Variants in CDH12 observed in about 807,000 individuals in gnomAD.
CDH12 encodes the protein cadherin 12, also known as cadherin-12.
In CDH12, 41 loss-of-function variants were observed where a neutral mutation model predicts 74.1. The observed-to-expected ratio is 0.55, with a 90% CI of 0.43 to 0.72. CDH12 has a LOEUF of 0.72. Among genes scored for constraint, CDH12 ranks in the 30% least tolerant of loss-of-function variants. CDH12 has a pLI of 0.00. For synonymous variants in CDH12, 399 were observed against 355.0 expected, an observed-to-expected ratio of 1.12 and a Z score of -1.39; for missense variants, 945 against 977.2, an observed-to-expected ratio of 0.97 and a Z score of 0.44.
intron 2 of CDH12, among the ~76,000 whole-genome samples, chr5:22,452,666 G>T (rs758382847): frequency 6.6e-6 from 1 of 151,512 alleles, no homozygotes; most frequent in Non-Finnish European, 1.5e-5. Flanking sequence ...ACTGGGTAAG[G>T]GTTTTTTTAG....
intron 4 of CDH12, among the ~76,000 whole-genome samples, chr5:22,179,003 G>T (rs546215047): frequency 3.1e-4 from 47 of 152,346 alleles, no homozygotes; most frequent in African/African-American, 5.3e-4. Flanking sequence ...TGAAGCATAT[G>T]CACTTAAAAT....
intron 2 of CDH12, among the ~76,000 whole-genome samples, chr5:22,416,737 G>A (rs1743409550): frequency 6.6e-6 from 1 of 152,162 alleles, no homozygotes; most frequent in Admixed American, 6.5e-5. Flanking sequence ...AATTGTAAGT[G>A]TGGTTTTTAG....
intron 1 of CDH12, among the ~76,000 whole-genome samples, chr5:22,763,851 TA>T (rs1404930075): frequency 6.6e-6 from 1 of 151,814 alleles, no homozygotes; most frequent in Non-Finnish European, 1.5e-5. Context: ...ATCTAATATA[TA>T]AAAAGAAAAA....
At chr5:22,080,767 CTTCT>C (rs539524443) in intron 4 of CDH12, among the ~76,000 whole-genome samples, 332 of 151,486 alleles carry the variant, frequency 2.2e-3, no homozygotes, top group Non-Finnish European at 3.5e-3. Flanking sequence ...ATTAATTTTG[CTTCT>C]TTCTTTCTTT....
At chr5:21,895,017 GAA>G (rs36000039) in intron 6 of CDH12, among the ~76,000 whole-genome samples, 6 of 146,040 alleles carry the variant, frequency 4.1e-5, no homozygotes, top group South Asian at 2.2e-4. Flanking sequence ...CAAATAAATT[GAA>G]AAAAAAAAAA....
chr5:22,552,454 A>G lies in CDH12; in HGVS notation c.-522-47090T>C, dbSNP rs1205829714. On this transcript the variant is annotated intron_variant, in intron 1 of 14. Coordinates refer to ENST00000382254, the MANE Select transcript of CDH12 (RefSeq NM_004061.5). ...TTTTCTTTTTTTTTTTTTTAGACAG[A>G]TTTTCACTCTGTTGCCCAGGCTGGA... 2.5e-4 allele frequency among the ~76,000 whole-genome samples: 37 copies of G among 148,016 alleles called. No individual in the cohort carries two copies. In the South Asian group the frequency reaches 4.3e-3, roughly 17 times the overall value.
At chr5:22,285,089 G>T (rs1737076514) in intron 3 of CDH12, among the ~76,000 whole-genome samples, 2 of 152,064 alleles carry the variant, frequency 1.3e-5, no homozygotes, top group East Asian at 3.9e-4. Flanking sequence ...CAAATTCATG[G>T]AATAAAACAA....
chr5:21,996,146 G>A (rs1008874229), intron 5 of CDH12, among the ~76,000 whole-genome samples: 2 of 121,896 alleles, frequency 1.6e-5, no homozygotes, highest in Non-Finnish European at 3.3e-5. Flanking sequence ...ATGCCTGCTT[G>A]AAGTGTAGAC....
At chr5:21,937,896 G>A (rs1258340798) in intron 6 of CDH12, among the ~76,000 whole-genome samples, 2 of 152,138 alleles carry the variant, frequency 1.3e-5, no homozygotes, top group Non-Finnish European at 2.9e-5. Context: ...CTTTTCATGG[G>A]GAGAGGAGGA....
intron 4 of CDH12, among the ~76,000 whole-genome samples, chr5:22,153,866 A>G (rs1420664303): frequency 0.089 from 6,548 of 73,352 alleles, 199 homozygotes; most frequent in Non-Finnish European, 0.096. Context: ...GTGTATATAT[A>G]TATATGTATA....
intron 1 of CDH12, among the ~76,000 whole-genome samples, chr5:22,689,515 C>T (rs1741973564): frequency 6.6e-6 from 1 of 152,032 alleles, no homozygotes; most frequent in South Asian, 2.1e-4. Flanking sequence ...ATTGGAAGAT[C>T]CTTCCCCACA....
At chr5:21,909,260 C>T (rs16888797) in intron 6 of CDH12, among the ~76,000 whole-genome samples, 20,512 of 152,104 alleles carry the variant, frequency 0.13, 1,516 homozygotes, top group South Asian at 0.18. Flanking sequence ...TCATTAATAC[C>T]TCTGTGACTG....
rs193102551 is a variant in CDH12, at chr5:22,837,426, A to G, written c.-523+15632T>C. Among the ~76,000 whole-genome samples the G allele has an allele frequency of 5.3e-4, 81 of 152,306 alleles. 1 individual carries two copies. Among genetic ancestry groups the G allele is most frequent in the Admixed American group, 4.9e-3 (75 of 15,284 alleles). Reference sequence around the variant, plus strand: ...CTGTCTCAAAAATAAAAATTAAAATAAAATAAAATAATCCTAAATACATAA... The same window carrying G: ...CTGTCTCAAAAATAAAAATTAAAATGAAATAAAATAATCCTAAATACATAA... On this transcript the variant is annotated intron_variant, in intron 1 of 14. Coordinates refer to ENST00000382254, the MANE Select transcript of CDH12 (RefSeq NM_004061.5).
At chr5:22,664,357 G>A (rs1027692976) in intron 1 of CDH12, among the ~76,000 whole-genome samples, 2 of 152,132 alleles carry the variant, frequency 1.3e-5, no homozygotes, top group African/African-American at 4.8e-5. Context: ...GAAGGTGAAG[G>A]GGAAGCAAGG....
At chr5:22,643,731 A>ATTTT (rs1304148808) in intron 1 of CDH12, among the ~76,000 whole-genome samples, 1 of 69,300 alleles carries the variant, frequency 1.4e-5, no homozygotes, top group African/African-American at 5.3e-5. Flanking sequence ...ATTTTAAGGT[A>ATTTT]TCTTTTTTTT....
intron 1 of CDH12, among the ~76,000 whole-genome samples, chr5:22,791,216 C>T (rs1413555174): frequency 6.6e-6 from 1 of 152,108 alleles, no homozygotes; most frequent in African/African-American, 2.4e-5. Flanking sequence ...CCATTTGAAT[C>T]TTCTTGCCCA....
chr5:22,005,294 CG>C (rs1561012653), intron 5 of CDH12, among the ~76,000 whole-genome samples: 1 of 152,106 alleles, frequency 6.6e-6, no homozygotes, highest in East Asian at 1.9e-4. Flanking sequence ...CCGCCCACCT[CG>C]GCCTCCCAAA....
intron 12 of CDH12, among the ~76,000 whole-genome samples, chr5:21,764,634 G>C (rs1744909583): frequency 7.9e-6 from 1 of 125,868 alleles, no homozygotes; most frequent in African/African-American, 3.0e-5. Context: ...GGGTGACAGA[G>C]CAAGACTTCA....
intron 9 of CDH12, among the ~76,000 whole-genome samples, chr5:21,811,877 A>G (rs1429696856): frequency 1.3e-5 from 2 of 149,552 alleles, no homozygotes; most frequent in African/African-American, 5.1e-5. Flanking sequence ...GTGAAATGGC[A>G]TTCTGTCACA....
Sources: gnomAD v4.1 joint callset for allele counts (sites outside exome capture counted in the v4.1 genomes callset) on GRCh38, gnomAD v4.1.1 for gene constraint, MANE v1.5 for transcripts, NCBI Gene and HGNC (gene_info 2026-07-23, HGNC 2026-07-21) for gene names.